ZNF274: variants seen among roughly 807,000 people sequenced by gnomAD.
ZNF274 encodes zinc finger protein 274.
A neutral mutation model predicts 42.5 loss-of-function variants in ZNF274; 23 were observed. That is an observed-to-expected ratio of 0.54 (90% CI 0.39 to 0.77). The LOEUF (loss-of-function observed/expected upper bound fraction) is 0.77. Ranked by LOEUF, ZNF274 falls within the 30% of genes least tolerant of loss-of-function variation. The probability of loss-of-function intolerance (pLI) is 0.00; values close to 1 mark genes in which losing one functional copy is unlikely to be tolerated. For synonymous variants in ZNF274, 292 were observed against 305.4 expected (o/e 0.96, Z 0.46); for missense variants, 679 against 806.5 (o/e 0.84, Z 1.91).
Position 58,206,759 on chromosome 19 carries a change from T to G in ZNF274, c.296T>G (p.Leu99Arg), listed in dbSNP as rs914625578. The G allele has an allele frequency of 3.7e-6, 6 of 1,607,208 alleles. No individual in the cohort carries two copies. The African/African-American group carries it at 8.0e-5, about 21-fold the overall frequency. The change falls in exon 5 of 8, where the codon CTT becomes CGT. Residue 99 changes from leucine to arginine, a missense_variant. Transcript: ENST00000617501. ...CAGCTGGACCCTAAATTGGATCCTC[T>G]TCCTGCTGAGAGTCCCCTAATGAAC... ...ELQLDPKLDP[L>R]PAESPLMNIE...
chr19:58,184,140 G>A, intron 2 of ZNF274, 142 bp downstream of exon 2: 1 of 867,942 alleles, frequency 1.2e-6, no homozygotes, highest in Non-Finnish European at 1.8e-6. Context: ...GGGCATGAGA[G>A]ATCCTGCGTG....
chr19:58,188,694 G>GTGTATATATATATATATA (rs1555816897), intron 4 of ZNF274, among the ~76,000 whole-genome samples: 11 of 74,656 alleles, frequency 1.5e-4, no homozygotes, highest in Non-Finnish European at 2.5e-4. Flanking sequence ...ATATGTATAT[G>GTGTATATATATATATATA]TATATATATA....
Position 58,184,083 on chromosome 19 carries a change from A to T in ZNF274, c.33+85A>T, listed in dbSNP as rs1392996146. 6.2e-6 allele frequency: 9 copies of T among 1,460,366 alleles called. No individual in the cohort carries two copies. In the East Asian group the frequency reaches 2.0e-4, roughly 32 times the overall value. 90.5% of individuals were successfully genotyped at this position (1,460,366 alleles called of 1,614,324 possible). A position where few individuals can be genotyped will look rare whatever the true frequency, so the allele number is the denominator to read the frequency against. On this transcript the variant is annotated intron_variant, in intron 2 of 7. Coordinates refer to ENST00000617501, the MANE Select transcript of ZNF274 (RefSeq NM_133502.3). ...GTGGTGAGATACCACCTTCCCTGAG[A>T]TACCCCCATCCTCCAGAGCACCTCG...
intron 4 of ZNF274, among the ~76,000 whole-genome samples, chr19:58,197,835 A>T (rs2075861913): frequency 6.6e-6 from 1 of 152,226 alleles, no homozygotes; most frequent in Non-Finnish European, 1.5e-5. Flanking sequence ...AGTGAAGCAG[A>T]GTCATTTCAT....
intron 4 of ZNF274, among the ~76,000 whole-genome samples, chr19:58,201,051 C>T (rs1045932244): frequency 6.6e-6 from 1 of 151,278 alleles, no homozygotes; most frequent in African/African-American, 2.4e-5. Context: ...CTCACCTAGG[C>T]GGTAGTACAG....
chr19:58,212,101 C>T lies in ZNF274; in HGVS notation c.980-60C>T, dbSNP rs2076047622. On this transcript the variant is annotated intron_variant, in intron 7 of 7. Coordinates refer to ENST00000617501, the MANE Select transcript of ZNF274 (RefSeq NM_133502.3). The surrounding 1 kb of genome is among the most constrained non-coding windows in gnomAD (Gnocchi z 4.6). ...TGAACTTAATTATGCATTTCATGCT[C>T]TCAGACCCATCCCAGCACATCTCTC... 6.5e-7 allele frequency: 1 copy of T among 1,528,372 alleles called. No homozygotes were observed. Among genetic ancestry groups the T allele is most frequent in the African/African-American group, 1.4e-5 (1 of 72,282 alleles). 94.7% of individuals were successfully genotyped at this position (1,528,372 alleles called of 1,614,324 possible). A position where few individuals can be genotyped will look rare whatever the true frequency, so the allele number is the denominator to read the frequency against.
intron 4 of ZNF274, among the ~76,000 whole-genome samples, chr19:58,188,255 T>A (rs2146194510): frequency 6.6e-6 from 1 of 151,922 alleles, no homozygotes; most frequent in South Asian, 2.1e-4. Context: ...CCAGGCACAG[T>A]GGCTCACACC....
At chr19:58,203,601 A>G (rs976525440) in intron 4 of ZNF274, among the ~76,000 whole-genome samples, 48 of 152,152 alleles carry the variant, frequency 3.2e-4, no homozygotes, top group African/African-American at 7.9e-4. Context: ...AAAAAAGAAA[A>G]AAACGCTGTA....
rs1015224 is a variant in ZNF274 at position 58,213,014 on chromosome 19, G to T, written c.1833G>T (p.Arg611Ser). 1.2e-6 allele frequency: 2 copies of T among 1,613,946 alleles called. No homozygotes were observed. Among genetic ancestry groups the T allele is most frequent in the Admixed American group, 1.7e-5 (1 of 60,014 alleles). ...RQSSHLIRHQRTHTGERPYAC... is the reference protein window; with the variant it reads ...RQSSHLIRHQSTHTGERPYAC... ...GCTCCCACCTCATCAGACATCAGAGGACTCACACCGGGGAGCGCCCATATG... is the reference window on the plus strand; with the variant it reads ...GCTCCCACCTCATCAGACATCAGAGTACTCACACCGGGGAGCGCCCATATG... Residue 611 changes from arginine to serine, a missense_variant, in exon 8 of 8, where the codon AGG (arginine) becomes AGT (serine). Coordinates refer to ENST00000617501, the MANE Select transcript of ZNF274 (RefSeq NM_133502.3).
At position 58,212,305 on chromosome 19, in the gene ZNF274, T is replaced by C. The variant is rs779798433; in HGVS notation, c.1124T>C (p.Val375Ala). ...STLEDTLQGG[V>A]QEVQDTVLKQ... Reference sequence around the variant, plus strand: ...TTAGAAGATACCTTGCAGGGTGGGGTCCAGGAAGTCCAAGACACAGTGTTG... The same window carrying C: ...TTAGAAGATACCTTGCAGGGTGGGGCCCAGGAAGTCCAAGACACAGTGTTG... The change falls in exon 8 of 8, where the codon GTC (valine) becomes GCC (alanine). Residue 375 changes from valine (V) to alanine (A), a missense_variant. By Grantham distance (64) the Val-to-Ala change is moderately conservative. Around this residue, in one of 2 missense-constraint regions of ZNF274, gnomAD observed 456 missense variants for 590.1 expected, o/e 0.77. Transcript: ENST00000617501. The surrounding 1 kb of genome is among the most constrained non-coding windows in gnomAD (Gnocchi z 4.6). 1.9e-6 allele frequency: 3 copies of C among 1,613,898 alleles called. No individual in the cohort carries two copies. The highest frequency in any genetic ancestry group is 1.1e-5 in the South Asian group (1 of 91,072).
chr19:58,194,688 T>C (rs1440012219), intron 4 of ZNF274, among the ~76,000 whole-genome samples: 5 of 152,050 alleles, frequency 3.3e-5, no homozygotes, highest in Non-Finnish European at 4.4e-5. Flanking sequence ...GTCTGTTTTT[T>C]ACTTTTTGTG....
Position 58,187,030 on chromosome 19 carries a change from G to A in ZNF274, c.244G>A (p.Asp82Asn), listed in dbSNP as rs1481882832. ...FWPVERGIPQ[D>N]TIPEYPELQL... Reference sequence around the variant, plus strand: ...GCCAGTGGAGAGAGGAATTCCTCAAGACACCATTCCAGGTGAGAACCAGAC... The same window carrying A: ...GCCAGTGGAGAGAGGAATTCCTCAAAACACCATTCCAGGTGAGAACCAGAC... Residue 82 changes from aspartate to asparagine, a missense_variant, in exon 4 of 8, where the codon GAC becomes AAC. Asp to Asn is a conservative substitution (Grantham distance 23). Around this residue, in one of 2 missense-constraint regions of ZNF274, gnomAD observed 223 missense variants for 216.4 expected, o/e 1.03. Transcript: ENST00000617501. The A allele has an allele frequency of 5.6e-6, 9 of 1,612,164 alleles. No individual in the cohort carries two copies.
At chr19:58,190,522 G>T (rs530738673) in intron 4 of ZNF274, among the ~76,000 whole-genome samples, 1 of 152,266 alleles carries the variant, frequency 6.6e-6, no homozygotes, top group African/African-American at 2.4e-5. Flanking sequence ...TAGTCATGTT[G>T]TCTTTCCTGA....
chr19:58,195,115 T>C (rs1437378235), intron 4 of ZNF274, among the ~76,000 whole-genome samples: 1 of 151,130 alleles, frequency 6.6e-6, no homozygotes, highest in Non-Finnish European at 1.5e-5. Flanking sequence ...GGTGAATCGA[T>C]TGAACCCAGG....
In ZNF274 at chr19:58,186,361, G is replaced by A. The variant is rs958410897; in HGVS notation, c.160+523G>A. ...GAGGTCAGGAGTTCTAGACCAACCTGACCAACATGATGAAACCCTGTCTTT... is the reference window on the plus strand; with the variant it reads ...GAGGTCAGGAGTTCTAGACCAACCTAACCAACATGATGAAACCCTGTCTTT... On this transcript the variant is annotated intron_variant, in intron 3 of 7. Coordinates refer to ENST00000617501, the MANE Select transcript of ZNF274 (RefSeq NM_133502.3). Among the ~76,000 whole-genome samples, 3 of 151,592 alleles carry A rather than the reference G, an allele frequency of 2.0e-5. No individual in the cohort carries two copies. In the South Asian group the frequency reaches 6.3e-4, roughly 32 times the overall value.
At chr19:58,185,997 C>A in intron 3 of ZNF274, 159 bp downstream of exon 3, 1 of 504,458 alleles carries the variant, frequency 2.0e-6, no homozygotes, top group Non-Finnish European at 3.2e-6. Context: ...CCATCCCTCC[C>A]TGAATACCAG....
chr19:58,185,770 T>C lies in ZNF274; in HGVS notation c.92T>C (p.Leu31Pro). ...LGFTPEEWGL[L>P]DLKQKSLYRE... ...TTTACCCCGGAAGAGTGGGGACTGC[T>C]GGACCTCAAACAGAAGTCCCTGTAC... Residue 31 changes from leucine (L) to proline (P), a missense_variant, in exon 3 of 8, where the codon CTG becomes CCG. This residue lies in a region of ZNF274 where 223 missense variants were observed against 216.4 expected (regional missense o/e 1.03). Transcript: ENST00000617501. 1 of 1,461,704 alleles carries C rather than the reference T, an allele frequency of 6.8e-7. No homozygotes were observed. Among genetic ancestry groups the C allele is most frequent in the Non-Finnish European group, 9.1e-7 (1 of 1,099,242 alleles). 90.5% of individuals were successfully genotyped at this position (1,461,704 alleles called of 1,614,324 possible).
Position 58,211,676 on chromosome 19 carries a change from G to C in ZNF274, c.969G>C (p.Leu323=), listed in dbSNP as rs769204627. ...RDVMLETFGH[L]VSVGWETTLE... is the part of the protein sequence containing the mutation. ...TGATGCTGGAGACCTTTGGGCACCTGGTCTCTGTGGGTAAGGCTGTGCCCC... is the reference window on the plus strand; with the variant it reads ...TGATGCTGGAGACCTTTGGGCACCTCGTCTCTGTGGGTAAGGCTGTGCCCC... Residue 323 remains leucine (L), a synonymous_variant, in exon 7 of 8, where the codon CTG becomes CTC. Transcript: ENST00000617501. This position sits in a 1 kb window ranked among gnomAD's most constrained non-coding sequence, Gnocchi z 4.8. 3.1e-6 allele frequency: 5 copies of C among 1,612,628 alleles called. No individual in the cohort carries two copies. The Admixed American group carries it at 5.0e-5, about 16-fold the overall frequency.
intron 4 of ZNF274, among the ~76,000 whole-genome samples, chr19:58,197,917 G>A (rs2075862774): frequency 6.6e-6 from 1 of 152,180 alleles, no homozygotes; most frequent in Non-Finnish European, 1.5e-5. Flanking sequence ...TCTAAGACCT[G>A]TGTAAATCGT....
Sources: allele counts gnomAD v4.1 joint callset (sites outside exome capture counted in the v4.1 genomes callset), GRCh38; gene constraint gnomAD v4.1.1; regional missense constraint gnomAD v4.1.1; non-coding constraint Gnocchi (gnomAD v3.1); transcripts MANE v1.5; gene names NCBI Gene and HGNC (gene_info 2026-07-23, HGNC 2026-07-21).